The following PIEZO2 variants were observed in gnomAD, a reference collection of about 807,000 sequenced individuals.
PIEZO2 encodes piezo-type mechanosensitive ion channel component 2.
A neutral mutation model predicts 337.3 loss-of-function variants in PIEZO2; 172 were observed. The ratio of observed to expected loss-of-function variants is 0.51; its 90% CI spans 0.45 to 0.58. PIEZO2 has a LOEUF of 0.58. PIEZO2 is among the 20% of genes least tolerant of loss of function. The pLI, the probability that PIEZO2 is intolerant of heterozygous loss-of-function variation, is 0.00. For missense variants in PIEZO2, 3,028 were observed against 3,391.3 expected, an observed-to-expected ratio of 0.89 and a Z score of 2.66; for synonymous variants, 1,251 against 1,228.5, an observed-to-expected ratio of 1.02 and a Z score of -0.38.
intron 27 of PIEZO2, among the ~76,000 whole-genome samples, chr18:10,755,239 T>C (rs1271488159): frequency 6.6e-6 from 1 of 151,774 alleles, no homozygotes; most frequent in Non-Finnish European, 1.5e-5. Context: ...AGAGACTCCA[T>C]GTGTGGGGTC....
Position 10,677,690 on chromosome 18 carries a change from T to A in PIEZO2, c.8081+57A>T, listed in dbSNP as rs907366678. The A allele has an allele frequency of 2.4e-5, 37 of 1,560,074 alleles. No homozygotes were observed. In the South Asian group the frequency reaches 4.1e-4, roughly 17 times the overall value. ...TACACATGAATCTGTAGATGGACAT[T>A]TTGTACCAGCTGCATATACCTAACA... is the stretch of plus-strand genomic sequence containing the variant. On this transcript the variant is annotated intron_variant, in intron 53 of 55. Transcript: ENST00000674853. This position sits in a 1 kb window ranked among gnomAD's most constrained non-coding sequence, Gnocchi z 4.1.
intron 36 of PIEZO2, among the ~76,000 whole-genome samples, chr18:10,721,676 G>A (rs1057106640): frequency 6.6e-6 from 1 of 151,968 alleles, no homozygotes; most frequent in African/African-American, 2.4e-5. Context: ...CTCAAAGCGA[G>A]ACAATACAAG....
chr18:11,058,903 G>C (rs1042196073), intron 2 of PIEZO2, among the ~76,000 whole-genome samples: 2 of 152,126 alleles, frequency 1.3e-5, no homozygotes, highest in African/African-American at 4.8e-5. Context: ...GAAATACAGA[G>C]AATGCCACAA....
intron 16 of PIEZO2, among the ~76,000 whole-genome samples, chr18:10,785,774 G>C (rs974534993): frequency 6.6e-6 from 1 of 152,020 alleles, no homozygotes; most frequent in African/African-American, 2.4e-5. Context: ...TTTCTCACAG[G>C]ACCGCTGCTG....
At chr18:11,023,567 C>G (rs1013978543) in intron 2 of PIEZO2, among the ~76,000 whole-genome samples, 2 of 152,266 alleles carry the variant, frequency 1.3e-5, no homozygotes, top group Non-Finnish European at 2.9e-5. Context: ...CCACCAGAGT[C>G]AGGAGCCCAG....
At chr18:10,770,879 T>C (rs1317445807) in intron 20 of PIEZO2, among the ~76,000 whole-genome samples, 5 of 151,936 alleles carry the variant, frequency 3.3e-5, no homozygotes, top group Non-Finnish European at 7.4e-5. Context: ...TACAGGCACA[T>C]ACCACCATGC....
chr18:11,090,376 A>G (rs2039039449), intron 1 of PIEZO2, among the ~76,000 whole-genome samples: 1 of 152,240 alleles, frequency 6.6e-6, no homozygotes, highest in Admixed American at 6.5e-5. Context: ...ATAAGTATCT[A>G]TATTTGGCTT....
chr18:10,994,975 G>A (rs964591551), intron 2 of PIEZO2, among the ~76,000 whole-genome samples: 4 of 150,662 alleles, frequency 2.7e-5, no homozygotes, highest in African/African-American at 9.8e-5. Flanking sequence ...GGGAGGCTGA[G>A]GCAGGAGAAT....
intron 4 of PIEZO2, among the ~76,000 whole-genome samples, chr18:10,909,092 G>A (rs985047110): frequency 6.6e-5 from 10 of 152,166 alleles, no homozygotes; most frequent in Admixed American, 5.2e-4. Flanking sequence ...GGATGAGCCT[G>A]GGCCATCTAA....
intron 36 of PIEZO2, among the ~76,000 whole-genome samples, chr18:10,720,363 CTGTGTGTGTG>C (rs58927900): frequency 0.26 from 14,828 of 56,156 alleles, 2,542 homozygotes; most frequent in Non-Finnish European, 0.32. Flanking sequence ...TATATATATT[CTGTGTGTGTG>C]TGTGTGTGTG....
rs34849868 is a variant in PIEZO2, at chr18:11,127,803, A to ATGTG, written c.64+20718_64+20721dup. Among the ~76,000 whole-genome samples, 3,658 of 146,790 alleles carry ATGTG rather than the reference A, an allele frequency of 0.025. 53 individuals carry two copies. The highest frequency in any genetic ancestry group is 0.081 in the East Asian group (406 of 5,012). ...TGCATATACGTGTGTGTGTGTGTGCATGTGTGTGTGTGTGTGTGTGTGTAT... is the reference window on the plus strand; with the variant it reads ...TGCATATACGTGTGTGTGTGTGTGCATGTGTGTGTGTGTGTGTGTGTGTGTGTAT... On this transcript the variant is annotated intron_variant, in intron 1 of 55. Coordinates refer to ENST00000674853, the MANE Select transcript of PIEZO2 (RefSeq NM_001378183.1). This position sits in a 1 kb window ranked among gnomAD's most constrained non-coding sequence, Gnocchi z 4.5.
chr18:11,028,365 A>C lies in PIEZO2; in HGVS notation c.160+37762T>G, dbSNP rs2036610418. On this transcript the variant is annotated intron_variant, in intron 2 of 55. Transcript: ENST00000674853. This position sits in a 1 kb window ranked among gnomAD's most constrained non-coding sequence, Gnocchi z 4.8. ...AACCTCTGCCTCCCAGGTTCAAGCAATTATCTTGCCTCAGCCTCCTGAGTA... is the reference window on the plus strand; with the variant it reads ...AACCTCTGCCTCCCAGGTTCAAGCACTTATCTTGCCTCAGCCTCCTGAGTA... Among the ~76,000 whole-genome samples the C allele has an allele frequency of 6.6e-6, 1 of 151,950 alleles. No homozygotes were observed. Among genetic ancestry groups the C allele is most frequent in the African/African-American group, 2.4e-5 (1 of 41,348 alleles).
Position 11,077,883 on chromosome 18 carries a change from A to G in PIEZO2, c.65-11661T>C, listed in dbSNP as rs1041598532. ...GTGTCATTTTTCATTTTCACAAACA[A>G]GAGAAATCAGTTTCAATCTTATTCA... On this transcript the variant is annotated intron_variant, in intron 1 of 55. Coordinates refer to ENST00000674853, the MANE Select transcript of PIEZO2 (RefSeq NM_001378183.1). The surrounding 1 kb of genome is among the most constrained non-coding windows in gnomAD (Gnocchi z 4.8). Among the ~76,000 whole-genome samples, 3 of 152,214 alleles carry G rather than the reference A, an allele frequency of 2.0e-5. No homozygotes were observed. Among genetic ancestry groups the G allele is most frequent in the Non-Finnish European group, 4.4e-5 (3 of 68,040 alleles).
intron 1 of PIEZO2, among the ~76,000 whole-genome samples, chr18:11,100,453 A>G (rs2039378534): frequency 6.6e-6 from 1 of 152,242 alleles, no homozygotes; most frequent in Non-Finnish European, 1.5e-5. Context: ...GAACTTAGCC[A>G]ACTCCACAGT....
chr18:10,714,944 G>C lies in PIEZO2; in HGVS notation c.5257-14C>G, dbSNP rs2035954661. The C allele has an allele frequency of 2.6e-6, 4 of 1,536,150 alleles. No homozygotes were observed. Among genetic ancestry groups the C allele is most frequent in the Non-Finnish European group, 3.5e-6 (4 of 1,146,226 alleles). ...TGGAACATTGCCCTGAGGAGAATGA[G>C]ACATTGCCACAGTTCTTATGGAGGC... On this transcript the variant is annotated splice_polypyrimidine_tract_variant and intron_variant, in intron 38 of 55. Coordinates refer to ENST00000674853, the MANE Select transcript of PIEZO2 (RefSeq NM_001378183.1).
At chr18:10,770,890 C>G (rs1159357664) in intron 20 of PIEZO2, among the ~76,000 whole-genome samples, 1 of 151,888 alleles carries the variant, frequency 6.6e-6, no homozygotes, top group Non-Finnish European at 1.5e-5. Context: ...ACCACCATGC[C>G]CAGCTAATTT....
In PIEZO2 at chr18:11,028,828, AAT is replaced by A. The variant is rs756668831; in HGVS notation, c.160+37297_160+37298del. 5.9e-5 allele frequency among the ~76,000 whole-genome samples: 9 copies of A among 152,124 alleles called. No homozygotes were observed. Among genetic ancestry groups the A allele is most frequent in the Non-Finnish European group, 1.2e-4 (8 of 68,030 alleles). On this transcript the variant is annotated intron_variant, in intron 2 of 55. Coordinates refer to ENST00000674853, the MANE Select transcript of PIEZO2 (RefSeq NM_001378183.1). The surrounding 1 kb of genome is among the most constrained non-coding windows in gnomAD (Gnocchi z 4.8). ...CTTTCTTGTGCTTGGTACTCTATAT[AAT>A]ACCTATTGACTCACTTCTTCAGCAA...
intron 47 of PIEZO2, among the ~76,000 whole-genome samples, chr18:10,692,114 G>T (rs2034875353): frequency 6.6e-6 from 1 of 151,844 alleles, no homozygotes; most frequent in Non-Finnish European, 1.5e-5. Flanking sequence ...CAGGTGAATA[G>T]TGAAGAGACA....
intron 1 of PIEZO2, among the ~76,000 whole-genome samples, chr18:11,089,348 C>A (rs2039001967): frequency 6.6e-6 from 1 of 152,064 alleles, no homozygotes; most frequent in Non-Finnish European, 1.5e-5. Flanking sequence ...CAGGCGAAAT[C>A]AATGTGTCAT....
Sources: allele counts gnomAD v4.1 joint callset (sites outside exome capture counted in the v4.1 genomes callset), GRCh38; gene constraint gnomAD v4.1.1; non-coding constraint Gnocchi (gnomAD v3.1); transcripts MANE v1.5; gene names NCBI Gene and HGNC (gene_info 2026-07-23, HGNC 2026-07-21).